TENM4: variants seen among roughly 807,000 people sequenced by gnomAD.
TENM4 encodes teneurin transmembrane protein 4, also known as teneurin-4.
TENM4 carries 82 observed loss-of-function variants against 243.3 expected under a neutral mutation model. The ratio of observed to expected loss-of-function variants is 0.34; its 90% CI spans 0.28 to 0.40. The LOEUF (loss-of-function observed/expected upper bound fraction) is 0.40. TENM4 is among the 10% of genes least tolerant of loss of function. The probability of loss-of-function intolerance (pLI) is 1.00; values close to 1 mark genes in which losing one functional copy is unlikely to be tolerated. For missense variants in TENM4, 3,138 were observed against 3,673.3 expected (o/e 0.85, Z 3.77); for synonymous variants, 1,412 against 1,456.3 (o/e 0.97, Z 0.69).
At chr11:79,088,790 T>C (rs1860878656) in intron 4 of TENM4, among the ~76,000 whole-genome samples, 1 of 152,208 alleles carries the variant, frequency 6.6e-6, no homozygotes, top group Non-Finnish European at 1.5e-5. Context: ...TGAACAAATA[T>C]GTACTAGAAA....
intron 1 of TENM4, among the ~76,000 whole-genome samples, chr11:79,304,387 G>T (rs992337357): frequency 6.6e-6 from 1 of 152,196 alleles, no homozygotes; most frequent in Non-Finnish European, 1.5e-5. Flanking sequence ...GTTGATCTAA[G>T]CTGAGTTGCT....
intron 1 of TENM4, chr11:79,422,099 T>G (rs1276503368): frequency 6.5e-6 from 1 of 153,996 alleles, no homozygotes; most frequent in African/African-American, 2.4e-5. Flanking sequence ...CATCCCTGCT[T>G]CTCAGTGCTC....
intron 2 of TENM4, among the ~76,000 whole-genome samples, chr11:79,286,298 A>T (rs1856248980): frequency 6.6e-6 from 1 of 152,120 alleles, no homozygotes; most frequent in African/African-American, 2.4e-5. Context: ...CCCTTGCTCT[A>T]CTAGTTACTA....
At chr11:78,944,322 C>A (rs752153048) in intron 6 of TENM4, among the ~76,000 whole-genome samples, 1 of 152,078 alleles carries the variant, frequency 6.6e-6, no homozygotes, top group Non-Finnish European at 1.5e-5. Context: ...ATCCCTAGTA[C>A]GTTTGCCAAA....
At chr11:79,032,205 G>A (rs1859261066) in intron 6 of TENM4, among the ~76,000 whole-genome samples, 1 of 152,144 alleles carries the variant, frequency 6.6e-6, no homozygotes, top group South Asian at 2.1e-4. Context: ...AAGGCCAATG[G>A]GAACACAATC....
At chr11:79,323,746 C>T (rs1200019120) in intron 1 of TENM4, among the ~76,000 whole-genome samples, 2 of 152,172 alleles carry the variant, frequency 1.3e-5, no homozygotes, top group African/African-American at 4.8e-5. Flanking sequence ...TGCAATTCTG[C>T]CTCAAACTTC....
intron 6 of TENM4, among the ~76,000 whole-genome samples, chr11:78,933,648 G>A (rs977319886): frequency 2.0e-5 from 3 of 152,180 alleles, no homozygotes; most frequent in Non-Finnish European, 4.4e-5. Flanking sequence ...TTCAATCTCA[G>A]AAGCGTTCAG....
chr11:79,394,352 G>A (rs1858297803), intron 1 of TENM4, among the ~76,000 whole-genome samples: 1 of 152,176 alleles, frequency 6.6e-6, no homozygotes, highest in South Asian at 2.1e-4. Flanking sequence ...GAAGCACAAG[G>A]GGAGAGAACA....
intron 15 of TENM4, among the ~76,000 whole-genome samples, chr11:78,791,113 G>C (rs1485101844): frequency 6.6e-6 from 1 of 152,134 alleles, no homozygotes; most frequent in Admixed American, 6.5e-5. Context: ...TACAGCTTGG[G>C]AGTGCTTGGA....
At chr11:78,935,233 G>C (rs1338645372) in intron 6 of TENM4, among the ~76,000 whole-genome samples, 1 of 151,448 alleles carries the variant, frequency 6.6e-6, no homozygotes, top group South Asian at 2.1e-4. Context: ...GGATGGTCTC[G>C]ATCTCCTGAC....
At chr11:79,317,206 C>T (rs75028721) in intron 1 of TENM4, among the ~76,000 whole-genome samples, 1,630 of 152,340 alleles carry the variant, frequency 0.011, 32 homozygotes, top group African/African-American at 0.037. Context: ...TTAACACTCA[C>T]ACACGGTTTC....
chr11:79,025,368 C>A (rs768579274), intron 6 of TENM4, among the ~76,000 whole-genome samples: 1 of 152,174 alleles, frequency 6.6e-6, no homozygotes, highest in Admixed American at 6.5e-5. Context: ...GCCCTAAGGA[C>A]GGTTCTGCGC....
At chr11:79,103,138 C>T (rs1861276532) in intron 4 of TENM4, among the ~76,000 whole-genome samples, 1 of 152,134 alleles carries the variant, frequency 6.6e-6, no homozygotes, top group Non-Finnish European at 1.5e-5. Context: ...GCTTCCAATG[C>T]CCTTTCTGCC....
chr11:79,110,967 T>C (rs558777306), intron 4 of TENM4, among the ~76,000 whole-genome samples: 2 of 152,132 alleles, frequency 1.3e-5, no homozygotes, highest in South Asian at 4.2e-4. Context: ...CTCCTTGATA[T>C]GGTTTGGCTG....
At position 79,215,825 on chromosome 11, in the gene TENM4, C is replaced by T. The variant is rs190271657; in HGVS notation, c.-180G>A. The T allele has an allele frequency of 1.7e-4, 165 of 985,750 alleles. No homozygotes were observed. The highest frequency in any genetic ancestry group is 1.9e-4 in the Non-Finnish European group (154 of 829,924). 61.1% of individuals were successfully genotyped at this position (985,750 alleles called of 1,614,324 possible). A position where few individuals can be genotyped will look rare whatever the true frequency, so the allele number is the denominator to read the frequency against. On this transcript the variant is annotated 5_prime_UTR_variant, in exon 3 of 34. The change creates a new upstream start codon in the 5' untranslated region. Transcript: ENST00000278550. ...GGACTGACCTGGCTCCATGTCAGCA[C>T]GTTCTGAAGAGTCAGCAATGTCCGT... is the stretch of plus-strand genomic sequence containing the variant.
chr11:79,426,248 G>T (rs1297202028), intron 1 of TENM4, among the ~76,000 whole-genome samples: 1 of 152,116 alleles, frequency 6.6e-6, no homozygotes, highest in Non-Finnish European at 1.5e-5. Flanking sequence ...CTCCCACCAG[G>T]TATAAGATAT....
chr11:78,719,834 C>T (rs1033918508), intron 25 of TENM4, among the ~76,000 whole-genome samples: 2 of 152,138 alleles, frequency 1.3e-5, no homozygotes, highest in Non-Finnish European at 2.9e-5. Context: ...GACAAAGTTC[C>T]TATTTGGGGA....
At chr11:78,861,750 G>A (rs1858824234) in intron 10 of TENM4, among the ~76,000 whole-genome samples, 1 of 152,172 alleles carries the variant, frequency 6.6e-6, no homozygotes, top group African/African-American at 2.4e-5. Flanking sequence ...ATTATTGCAA[G>A]GGCAGAGAGG....
chr11:79,039,983 T>C (rs1356531832), intron 6 of TENM4, among the ~76,000 whole-genome samples: 1 of 151,998 alleles, frequency 6.6e-6, no homozygotes, highest in African/African-American at 2.4e-5. Context: ...TCACTGAATC[T>C]TTTGGGGACC....
Sources: gnomAD v4.1 joint callset for allele counts (sites outside exome capture counted in the v4.1 genomes callset) on GRCh38, gnomAD v4.1.1 for gene constraint, MANE v1.5 for transcripts, NCBI Gene and HGNC (gene_info 2026-07-23, HGNC 2026-07-21) for gene names.